Variants in SPIN1 observed in about 807,000 individuals in gnomAD.
SPIN1 encodes spindlin 1, also known as spindlin-1.
SPIN1 carries 3 observed loss-of-function variants against 26.0 expected under a neutral mutation model. The ratio of observed to expected loss-of-function variants is 0.12; its 90% confidence interval spans 0.05 to 0.30. SPIN1 has a LOEUF of 0.30. Ranked by LOEUF, SPIN1 falls within the 10% of genes least tolerant of loss-of-function variation. The pLI, the probability that SPIN1 is intolerant of heterozygous loss-of-function variation, is 1.00. For missense variants in SPIN1, 126 were observed against 333.4 expected (o/e 0.38, Z 4.84); for synonymous variants, 101 against 116.5 (o/e 0.87, Z 0.86).
At chr9:88,455,044 C>G (rs1828443116) in intron 3 of SPIN1, among the ~76,000 whole-genome samples, 3 of 152,166 alleles carry the variant, frequency 2.0e-5, no homozygotes, top group Non-Finnish European at 2.9e-5. Context: ...GAAAGAATTG[C>G]TCTTGAATCA....
intron 1 of SPIN1, among the ~76,000 whole-genome samples, chr9:88,389,674 A>AG (rs142957678): frequency 0.056 from 8,538 of 152,248 alleles, 705 homozygotes; most frequent in African/African-American, 0.18. Context: ...CTTGTGCCAG[A>AG]GACGACACAC....
intron 2 of SPIN1, among the ~76,000 whole-genome samples, chr9:88,431,376 C>T (rs1472850735): frequency 2.0e-5 from 3 of 150,742 alleles, no homozygotes; most frequent in Non-Finnish European, 3.0e-5. Flanking sequence ...TTGCAACCTC[C>T]GCCTCCTGGG....
chr9:88,403,268 G>A (rs908009505), intron 1 of SPIN1, among the ~76,000 whole-genome samples: 1 of 152,090 alleles, frequency 6.6e-6, no homozygotes, highest in South Asian at 2.1e-4. Flanking sequence ...TTCCTTTGCT[G>A]TGCAGAAACT....
At chr9:88,449,364 C>G (rs1828314123) in intron 3 of SPIN1, among the ~76,000 whole-genome samples, 1 of 152,222 alleles carries the variant, frequency 6.6e-6, no homozygotes, top group African/African-American at 2.4e-5. Context: ...CAAGGAGCTC[C>G]TTTTGGGCAG....
At chr9:88,436,105 T>C (rs953832278) in intron 2 of SPIN1, among the ~76,000 whole-genome samples, 1 of 152,166 alleles carries the variant, frequency 6.6e-6, no homozygotes, top group Non-Finnish European at 1.5e-5. Context: ...TAGCCCAGTT[T>C]TGTTTGTTTT....
chr9:88,445,781 C>T lies in SPIN1; in HGVS notation c.53-3160C>T, dbSNP rs141747588. On this transcript the variant is annotated intron_variant, in intron 2 of 5. Coordinates refer to ENST00000375859, the MANE Select transcript of SPIN1 (RefSeq NM_006717.3). ...CTTAAAATCCTGACCTCAAATCATC[C>T]ACCAGCCTTGGCCTCTCCCAAAGTG... Among the ~76,000 whole-genome samples the T allele has an allele frequency of 6.6e-5, 10 of 151,884 alleles. No homozygotes were observed. In the East Asian group the frequency reaches 1.9e-3, roughly 29 times the overall value.
chr9:88,462,945 A>C (rs1314015307), intron 4 of SPIN1, among the ~76,000 whole-genome samples, 196 bp downstream of exon 4: 1 of 152,126 alleles, frequency 6.6e-6, no homozygotes, highest in Non-Finnish European at 1.5e-5. Flanking sequence ...GGATATAGAG[A>C]TGTGTATTTT....
intron 3 of SPIN1, among the ~76,000 whole-genome samples, chr9:88,449,280 C>T (rs568432449): frequency 6.6e-6 from 1 of 151,986 alleles, no homozygotes; most frequent in African/African-American, 2.4e-5. Context: ...TGAACCTCTC[C>T]CTCTTCTCTC....
intron 2 of SPIN1, among the ~76,000 whole-genome samples, chr9:88,432,778 C>T (rs1463664165): frequency 5.9e-5 from 9 of 152,144 alleles, no homozygotes; most frequent in Admixed American, 1.3e-4. Context: ...TGAGCCACTG[C>T]GCCTGGCCCA....
intron 1 of SPIN1, among the ~76,000 whole-genome samples, chr9:88,397,414 C>T (rs1464317797): frequency 1.3e-5 from 2 of 152,042 alleles, no homozygotes; most frequent in Non-Finnish European, 2.9e-5. Flanking sequence ...CTCCTGTGCT[C>T]ACCATATTCT....
At chr9:88,413,900 G>T (rs377694327) in intron 1 of SPIN1, among the ~76,000 whole-genome samples, 11 of 152,030 alleles carry the variant, frequency 7.2e-5, no homozygotes, top group African/African-American at 1.7e-4. Context: ...TGCAAACTTC[G>T]GGGGCTCCCA....
chr9:88,436,255 CAGA>C (rs1827996362), intron 2 of SPIN1, among the ~76,000 whole-genome samples: 1 of 152,104 alleles, frequency 6.6e-6, no homozygotes, highest in African/African-American at 2.4e-5. Context: ...GTGTTGATGA[CAGA>C]AGAATAATTT....
intron 1 of SPIN1, among the ~76,000 whole-genome samples, chr9:88,407,661 TAAAA>T (rs924979942): frequency 4.7e-5 from 7 of 150,400 alleles, no homozygotes; most frequent in African/African-American, 7.3e-5. Context: ...TTTTTTAAAT[TAAAA>T]AAAAGCTATT....
chr9:88,440,061 C>T (rs369172582), intron 2 of SPIN1, among the ~76,000 whole-genome samples: 3 of 152,076 alleles, frequency 2.0e-5, no homozygotes, highest in South Asian at 4.1e-4. Context: ...TTTTGCTTTC[C>T]ACTCTTTTCT....
chr9:88,435,958 T>C (rs954458595), intron 2 of SPIN1, among the ~76,000 whole-genome samples: 1 of 152,246 alleles, frequency 6.6e-6, no homozygotes, highest in African/African-American at 2.4e-5. Context: ...AAGATGTGTA[T>C]GAAATATAAA....
At chr9:88,396,579 G>A (rs939122344) in intron 1 of SPIN1, among the ~76,000 whole-genome samples, 6 of 152,124 alleles carry the variant, frequency 3.9e-5, no homozygotes, top group African/African-American at 1.4e-4. Flanking sequence ...TCCAGACTGG[G>A]CAACAGAGTG....
intron 4 of SPIN1, among the ~76,000 whole-genome samples, chr9:88,466,065 T>C (rs927669749): frequency 2.6e-5 from 4 of 152,272 alleles, no homozygotes; most frequent in Non-Finnish European, 1.5e-5. Context: ...TAAATGTTTC[T>C]AGATTTGTTT....
At chr9:88,429,812 C>G (rs142423417) in intron 2 of SPIN1, among the ~76,000 whole-genome samples, 1 of 152,130 alleles carries the variant, frequency 6.6e-6, no homozygotes, top group Admixed American at 6.6e-5. Flanking sequence ...TTTAGTCATG[C>G]CTTGGTCCTA....
At chr9:88,425,683 A>T (rs1359678735) in intron 1 of SPIN1, among the ~76,000 whole-genome samples, 1 of 152,040 alleles carries the variant, frequency 6.6e-6, no homozygotes, top group Non-Finnish European at 1.5e-5. Flanking sequence ...CAAAAAAAAA[A>T]AAAAAAGATA....
Sources: gnomAD v4.1 joint callset for allele counts (sites outside exome capture counted in the v4.1 genomes callset) on GRCh38, gnomAD v4.1.1 for gene constraint, MANE v1.5 for transcripts, NCBI Gene and HGNC (gene_info 2026-07-23, HGNC 2026-07-21) for gene names.